Variants in RIMS1 observed in about 807,000 individuals in gnomAD.
RIMS1 encodes the protein regulating synaptic membrane exocytosis 1.
A neutral mutation model predicts 214.1 loss-of-function variants in RIMS1; 83 were observed. The observed-to-expected ratio is 0.39, with a 90% CI of 0.32 to 0.47. RIMS1 has a LOEUF of 0.47. RIMS1 is among the 20% of genes least tolerant of loss of function. The pLI is 0.99. For synonymous variants in RIMS1, 793 were observed against 786.8 expected (o/e 1.01, Z -0.13); for missense variants, 2,050 against 2,161.8 (o/e 0.95, Z 1.03).
intron 4 of RIMS1, among the ~76,000 whole-genome samples, chr6:72,110,767 C>A (rs1021280463): frequency 6.6e-6 from 1 of 152,100 alleles, no homozygotes; most frequent in Admixed American, 6.6e-5. Flanking sequence ...GAGAGGGCAT[C>A]CCTGTCTTGT....
chr6:72,263,222 T>G, intron 19 of RIMS1: 1 of 984,990 alleles, frequency 1.0e-6, no homozygotes, highest in Non-Finnish European at 1.2e-6. Flanking sequence ...TCTAAAGAAA[T>G]CTGTATGTTT....
At chr6:72,157,268 G>A (rs1395629967) in intron 4 of RIMS1, among the ~76,000 whole-genome samples, 1 of 140,464 alleles carries the variant, frequency 7.1e-6, no homozygotes, top group Non-Finnish European at 1.6e-5. Context: ...ATTTATACTT[G>A]TTATTCTGTA....
At chr6:72,109,986 A>C (rs2035692911) in intron 4 of RIMS1, among the ~76,000 whole-genome samples, 2 of 152,060 alleles carry the variant, frequency 1.3e-5, no homozygotes, top group Non-Finnish European at 2.9e-5. Flanking sequence ...TGTTTTTCTC[A>C]TGTTTGTCAA....
intron 6 of RIMS1, among the ~76,000 whole-genome samples, chr6:72,209,862 C>CT (rs1297216787): frequency 7.0e-6 from 1 of 142,226 alleles, no homozygotes; most frequent in Non-Finnish European, 1.5e-5. Context: ...GATCACGCCA[C>CT]TGCACTCCAG....
chr6:72,147,100 A>T (rs1358514514), intron 4 of RIMS1, among the ~76,000 whole-genome samples: 1 of 152,228 alleles, frequency 6.6e-6, no homozygotes, highest in East Asian at 1.9e-4. Context: ...ACATGTCTAC[A>T]TTTTGAAGAC....
intron 26 of RIMS1, among the ~76,000 whole-genome samples, chr6:72,301,261 G>A (rs764357591): frequency 1.6e-4 from 25 of 151,730 alleles, no homozygotes; most frequent in Non-Finnish European, 3.4e-4. Flanking sequence ...TTTATTCCAA[G>A]AAAGTGTGCC....
At chr6:71,915,072 A>G (rs899710695) in intron 1 of RIMS1, among the ~76,000 whole-genome samples, 1 of 152,076 alleles carries the variant, frequency 6.6e-6, no homozygotes, top group South Asian at 2.1e-4. Context: ...CAATTTCCAC[A>G]TGGCGAAAGT....
intron 2 of RIMS1, among the ~76,000 whole-genome samples, chr6:72,021,913 G>T (rs1221529124): frequency 6.6e-6 from 1 of 152,130 alleles, no homozygotes; most frequent in Admixed American, 6.6e-5. Flanking sequence ...TAGTACATTG[G>T]CACGTATCCC....
At chr6:71,971,777 A>G (rs2151378214) in intron 2 of RIMS1, among the ~76,000 whole-genome samples, 1 of 152,270 alleles carries the variant, frequency 6.6e-6, no homozygotes, top group Admixed American at 6.5e-5. Flanking sequence ...AAACTTATTC[A>G]CTATCATGAG....
In RIMS1 at chr6:72,313,591, T is replaced by A. The variant is rs2095617894; in HGVS notation, c.4049T>A (p.Ile1350Asn). The change falls in exon 28 of 34, where the codon ATT becomes AAT. Residue 1350 changes from isoleucine to asparagine, a missense_variant. Around this residue, in one of 6 missense-constraint regions of RIMS1, gnomAD observed 889 missense variants for 885.5 expected, o/e 1.00. Coordinates refer to ENST00000521978, the MANE Select transcript of RIMS1 (RefSeq NM_014989.7). ...AGTGATGTCAGTGATGTTTCCGCCA[T>A]TTCCCGAACCAGCAGTGCCTCACGC... is the stretch of plus-strand genomic sequence containing the variant. ...SDSDVSDVSAISRTSSASRLS... is the reference protein window; with the variant it reads ...SDSDVSDVSANSRTSSASRLS... 1.2e-6 allele frequency: 2 copies of A among 1,613,832 alleles called. No individual in the cohort carries two copies. Among genetic ancestry groups the A allele is most frequent in the East Asian group, 4.5e-5 (2 of 44,862 alleles).
chr6:71,900,646 T>C (rs1433211254), intron 1 of RIMS1, among the ~76,000 whole-genome samples: 1 of 152,008 alleles, frequency 6.6e-6, no homozygotes, highest in Admixed American at 6.6e-5. Context: ...TTTTAATTGA[T>C]TGAATATGGG....
intron 4 of RIMS1, among the ~76,000 whole-genome samples, chr6:72,129,207 T>G (rs1199329997): frequency 6.6e-6 from 1 of 152,178 alleles, no homozygotes; most frequent in Non-Finnish European, 1.5e-5. Context: ...AAAGAACCAT[T>G]TATATTGATC....
intron 4 of RIMS1, among the ~76,000 whole-genome samples, chr6:72,111,339 CA>C (rs1175831383): frequency 6.6e-6 from 1 of 152,112 alleles, no homozygotes; most frequent in Non-Finnish European, 1.5e-5. Context: ...TTCAAAATCT[CA>C]AAGCTACTCT....
intron 2 of RIMS1, among the ~76,000 whole-genome samples, chr6:72,091,302 T>A (rs1342968755): frequency 6.6e-6 from 1 of 152,148 alleles, no homozygotes; most frequent in Non-Finnish European, 1.5e-5. Flanking sequence ...ATAAAGGAAA[T>A]CCAGGAAGAA....
chr6:72,369,808 G>A (rs1396062627), intron 29 of RIMS1, among the ~76,000 whole-genome samples: 1 of 152,206 alleles, frequency 6.6e-6, no homozygotes, highest in Non-Finnish European at 1.5e-5. Context: ...TAAGATGCTG[G>A]TAGGATTGCT....
intron 1 of RIMS1, among the ~76,000 whole-genome samples, chr6:71,938,374 T>C (rs1785068989): frequency 1.3e-5 from 2 of 152,190 alleles, no homozygotes; most frequent in Admixed American, 1.3e-4. Flanking sequence ...ACATGTGCAC[T>C]TGGCATTGCC....
chr6:72,208,835 A>G (rs1423452042), intron 6 of RIMS1, among the ~76,000 whole-genome samples: 1 of 151,982 alleles, frequency 6.6e-6, no homozygotes, highest in Non-Finnish European at 1.5e-5. Flanking sequence ...AAAATTCCCT[A>G]CTCAACCCTG....
rs779740920 is a variant in RIMS1, at chr6:72,376,002, A to C, written c.4367-14596A>C. On this transcript the variant is annotated intron_variant, in intron 29 of 33. Transcript: ENST00000521978. ...AGAGAAAAGAGATGGTTTCTGGTAC[A>C]TCTGAATTTACTTTTTCATGAAAAT... Among the ~76,000 whole-genome samples the C allele has an allele frequency of 4.3e-4, 65 of 152,322 alleles. 1 individual carries two copies. The highest frequency in any genetic ancestry group is 6.8e-3 in the Middle Eastern group (2 of 294).
chr6:71,887,318 C>A, intron 1 of RIMS1, 131 bp downstream of exon 1: 2 of 1,195,684 alleles, frequency 1.7e-6, no homozygotes, highest in Admixed American at 2.1e-5. Context: ...CGGAGGCGCC[C>A]GCCTTGGGCC....
Sources: gnomAD v4.1 joint callset for allele counts (sites outside exome capture counted in the v4.1 genomes callset) on GRCh38, gnomAD v4.1.1 for gene constraint, gnomAD v4.1.1 regional missense constraint, MANE v1.5 for transcripts, NCBI Gene and HGNC (gene_info 2026-07-23, HGNC 2026-07-21) for gene names.